GPR158: variants seen among roughly 807,000 people sequenced by gnomAD.
GPR158 encodes the protein metabotropic glycine receptor.
In GPR158, 30 loss-of-function variants were observed where a neutral mutation model predicts 78.2. The observed-to-expected ratio is 0.38, with a 90% CI of 0.29 to 0.52. GPR158 has a LOEUF of 0.52. Among genes scored for constraint, GPR158 ranks in the 20% least tolerant of loss-of-function variants. The pLI, the probability that GPR158 is intolerant of heterozygous loss-of-function variation, is 0.83. For missense variants in GPR158, 1,463 were observed against 1,523.5 expected (o/e 0.96, Z 0.66); for synonymous variants, 581 against 591.1 (o/e 0.98, Z 0.25).
At chr10:25,540,171 A>T (rs1836558511) in intron 5 of GPR158, among the ~76,000 whole-genome samples, 1 of 152,192 alleles carries the variant, frequency 6.6e-6, no homozygotes, top group Non-Finnish European at 1.5e-5. Context: ...ACATTTATGC[A>T]GCCAAAAGAC....
At chr10:25,486,665 C>G (rs1231872524) in intron 5 of GPR158, among the ~76,000 whole-genome samples, 1 of 152,108 alleles carries the variant, frequency 6.6e-6, no homozygotes, top group African/African-American at 2.4e-5. Flanking sequence ...TGCATTCTTA[C>G]AAAATTCCGG....
At chr10:25,346,778 A>G (rs1370775530) in intron 2 of GPR158, among the ~76,000 whole-genome samples, 1 of 152,000 alleles carries the variant, frequency 6.6e-6, no homozygotes, top group Non-Finnish European at 1.5e-5. Context: ...ACCTGAACCT[A>G]GTTACTTCAA....
At chr10:25,217,583 G>A (rs911172346) in intron 1 of GPR158, among the ~76,000 whole-genome samples, 9 of 152,156 alleles carry the variant, frequency 5.9e-5, no homozygotes, top group East Asian at 1.9e-4. Context: ...TGTTTAACCC[G>A]TGAAAGATGA....
intron 1 of GPR158, among the ~76,000 whole-genome samples, chr10:25,211,655 C>T (rs1853132528): frequency 6.6e-6 from 1 of 152,138 alleles, no homozygotes; most frequent in Non-Finnish European, 1.5e-5. Context: ...CTGGGGGACA[C>T]ATTTAAGCCA....
chr10:25,396,574 G>A (rs934209916), intron 3 of GPR158, among the ~76,000 whole-genome samples: 4 of 151,974 alleles, frequency 2.6e-5, no homozygotes, highest in East Asian at 1.9e-4. Context: ...TGAGGTGGGA[G>A]GATCGCTTGA....
At chr10:25,287,156 T>G (rs1854362581) in intron 2 of GPR158, among the ~76,000 whole-genome samples, 2 of 152,114 alleles carry the variant, frequency 1.3e-5, no homozygotes, top group African/African-American at 4.8e-5. Flanking sequence ...TTCTCCAAGA[T>G]GTAGAGAGAT....
At chr10:25,350,124 T>TAA (rs113016555) in intron 2 of GPR158, among the ~76,000 whole-genome samples, 71 of 147,184 alleles carry the variant, frequency 4.8e-4, no homozygotes, top group African/African-American at 1.7e-3. Context: ...CCTGGCTGAT[T>TAA]AAAAAAAAAA....
At chr10:25,270,384 T>C (rs894609523) in intron 2 of GPR158, among the ~76,000 whole-genome samples, 1 of 152,110 alleles carries the variant, frequency 6.6e-6, no homozygotes, top group Non-Finnish European at 1.5e-5. Flanking sequence ...GCTGGTATAG[T>C]TGAAATTGTC....
chr10:25,588,705 A>C (rs1217177563), intron 7 of GPR158, among the ~76,000 whole-genome samples: 3 of 152,220 alleles, frequency 2.0e-5, no homozygotes, highest in African/African-American at 7.2e-5. Context: ...ATGGAAAATT[A>C]GTTTACAGTG....
intron 4 of GPR158, among the ~76,000 whole-genome samples, chr10:25,416,521 A>C (rs2130554285): frequency 6.6e-6 from 1 of 152,278 alleles, no homozygotes; most frequent in Non-Finnish European, 1.5e-5. Flanking sequence ...AAGTTATGGA[A>C]ACCTCTCCTG....
chr10:25,434,673 A>C (rs778105561), intron 4 of GPR158, among the ~76,000 whole-genome samples: 1 of 152,194 alleles, frequency 6.6e-6, no homozygotes, highest in South Asian at 2.1e-4. Context: ...ATATATATAA[A>C]TATATGTAGC....
At chr10:25,564,653 T>C (rs1407259724) in intron 6 of GPR158, among the ~76,000 whole-genome samples, 1 of 151,936 alleles carries the variant, frequency 6.6e-6, no homozygotes, top group Non-Finnish European at 1.5e-5. Context: ...ACTAGGTACG[T>C]GTCCTGAGCA....
At position 25,461,825 on chromosome 10, in the gene GPR158, G is replaced by A. The variant is rs1039087394; in HGVS notation, c.1336-4826G>A. 1.7e-4 allele frequency among the ~76,000 whole-genome samples: 25 copies of A among 149,098 alleles called. 1 individual carries two copies. The highest frequency in any genetic ancestry group is 5.9e-5 in the Non-Finnish European group (4 of 67,680). ...TTGGCTCTTGCAACCTCCATCTCCCGGGTTCACGCCATTCTCCTGCCTCAG... is the reference window on the plus strand; with the variant it reads ...TTGGCTCTTGCAACCTCCATCTCCCAGGTTCACGCCATTCTCCTGCCTCAG... On this transcript the variant is annotated intron_variant, in intron 4 of 10. Coordinates refer to ENST00000376351, the MANE Select transcript of GPR158 (RefSeq NM_020752.3).
Position 25,241,165 on chromosome 10 carries a change from CTTTCTTTCTTTCTTTCTTTCTTTCCTTT to C in GPR158, c.1008+20009_1008+20036del, listed in dbSNP as rs1330450029. Among the ~76,000 whole-genome samples the C allele has an allele frequency of 1.8e-3, 213 of 120,896 alleles. 2 individuals are homozygous for C. The highest frequency in any genetic ancestry group is 5.8e-3 in the African/African-American group (151 of 25,954). The allele number at this position is 120,896 out of a possible 152,430, so 79.3% of individuals were successfully genotyped here. On this transcript the variant is annotated intron_variant, in intron 2 of 10. Transcript: ENST00000376351. ...TCTTTCTTTCTTTCTTTCTTTCTTT[CTTTCTTTCTTTCTTTCTTTCTTTCCTTT>C]CTTTCTTTCCTTTCTTTCCTTTCTT...
chr10:25,323,524 G>A (rs1382955206), intron 2 of GPR158, among the ~76,000 whole-genome samples: 1 of 148,426 alleles, frequency 6.7e-6, no homozygotes, highest in African/African-American at 2.6e-5. Flanking sequence ...ATTATCTTAG[G>A]TAGATTTTTT....
chr10:25,325,157 C>G (rs1855012296), intron 2 of GPR158, among the ~76,000 whole-genome samples: 1 of 152,068 alleles, frequency 6.6e-6, no homozygotes, highest in African/African-American at 2.4e-5. Context: ...TCTTCCCTGT[C>G]ATTTTCACAG....
intron 4 of GPR158, among the ~76,000 whole-genome samples, chr10:25,435,454 A>G (rs1834986372): frequency 6.6e-6 from 1 of 152,036 alleles, no homozygotes; most frequent in Admixed American, 6.6e-5. Flanking sequence ...GGGGTAGAAA[A>G]CGGGTATCCC....
At chr10:25,278,214 A>C (rs140906871) in intron 2 of GPR158, among the ~76,000 whole-genome samples, 21 of 152,292 alleles carry the variant, frequency 1.4e-4, no homozygotes, top group Non-Finnish European at 2.8e-4. Context: ...GCAAGAAAAA[A>C]ATGAGCAGTA....
chr10:25,208,802 G>A (rs1853087264), intron 1 of GPR158, among the ~76,000 whole-genome samples: 1 of 151,510 alleles, frequency 6.6e-6, no homozygotes, highest in South Asian at 2.1e-4. Flanking sequence ...CTTGGAGACT[G>A]TACAGGAGAG....
Sources: gnomAD v4.1 joint callset for allele counts (sites outside exome capture counted in the v4.1 genomes callset) on GRCh38, gnomAD v4.1.1 for gene constraint, MANE v1.5 for transcripts, NCBI Gene and HGNC (gene_info 2026-07-23, HGNC 2026-07-21) for gene names.